The following KCNH8 variants were observed in gnomAD, a reference collection of about 807,000 sequenced individuals.
KCNH8 encodes the protein voltage-gated delayed rectifier potassium channel KCNH8.
In KCNH8, 70 loss-of-function variants were observed where a neutral mutation model predicts 103.6. The ratio of observed to expected loss-of-function variants is 0.68; its 90% CI spans 0.56 to 0.82. KCNH8 has a LOEUF of 0.82. Among genes scored for constraint, KCNH8 ranks in the 40% least tolerant of loss-of-function variants. KCNH8 has a pLI of 0.00. For missense variants in KCNH8, 1,217 were observed against 1,329.9 expected (o/e 0.92, Z 1.32); for synonymous variants, 498 against 489.4 (o/e 1.02, Z -0.23).
intron 1 of KCNH8, among the ~76,000 whole-genome samples, chr3:19,227,179 C>T (rs1171999883): frequency 6.6e-6 from 1 of 152,218 alleles, no homozygotes; most frequent in Admixed American, 6.5e-5. Flanking sequence ...GAAAACCAGA[C>T]AAGACATCTG....
chr3:19,470,315 C>G (rs2067828647), intron 11 of KCNH8, among the ~76,000 whole-genome samples: 1 of 152,202 alleles, frequency 6.6e-6, no homozygotes, highest in Non-Finnish European at 1.5e-5. Flanking sequence ...CTCTTACAGT[C>G]AGGCTCTCAA....
At chr3:19,396,255 C>T (rs1166289034) in intron 7 of KCNH8, among the ~76,000 whole-genome samples, 1 of 151,922 alleles carries the variant, frequency 6.6e-6, no homozygotes, top group Non-Finnish European at 1.5e-5. Context: ...AAGAAAAATG[C>T]CCAGACTTTT....
At position 19,451,171 on chromosome 3, in the gene KCNH8, C is replaced by G; in HGVS notation, c.1592C>G (p.Pro531Arg). The G allele has an allele frequency of 6.2e-7, 1 of 1,613,740 alleles. No individual in the cohort carries two copies. Among genetic ancestry groups the G allele is most frequent in the Non-Finnish European group, 8.5e-7 (1 of 1,179,724 alleles). The change falls in exon 10 of 16, where the codon CCA becomes CGA. Residue 531 changes from proline (P) to arginine (R), a missense_variant. This residue lies in a region of KCNH8 where 415 missense variants were observed against 577.4 expected (regional missense o/e 0.72). Transcript: ENST00000328405. ...CTCTGACAGCTTTTGAAAGACTTTC[C>G]AGATGAACTGCGTTCTGACATCACT... Reference protein sequence around the residue: ...IDSNELLKDFPDELRSDITMH... With the variant: ...IDSNELLKDFRDELRSDITMH...
At chr3:19,516,580 G>A (rs1391325757) in intron 14 of KCNH8, among the ~76,000 whole-genome samples, 2 of 151,918 alleles carry the variant, frequency 1.3e-5, no homozygotes, top group East Asian at 3.9e-4. Flanking sequence ...TTACCTTTTT[G>A]GTTCAACTAG....
At chr3:19,484,855 C>G (rs1354347533) in intron 11 of KCNH8, among the ~76,000 whole-genome samples, 2 of 151,996 alleles carry the variant, frequency 1.3e-5, no homozygotes, top group Non-Finnish European at 2.9e-5. Flanking sequence ...TCAATTTCAC[C>G]TAACTCTCGG....
At chr3:19,314,972 A>G (rs931236789) in intron 3 of KCNH8, 2 of 153,804 alleles carry the variant, frequency 1.3e-5, no homozygotes. Flanking sequence ...TTGTTGTGGT[A>G]TTGCTTTATA....
intron 1 of KCNH8, 98 bp from the exon 2 acceptor site, chr3:19,253,556 A>G: frequency 2.1e-6 from 2 of 947,118 alleles, no homozygotes; most frequent in Non-Finnish European, 3.3e-6. Flanking sequence ...GCCTTTTGGC[A>G]GCTAGCTAAA....
chr3:19,388,106 T>A (rs2066383958), intron 5 of KCNH8, among the ~76,000 whole-genome samples: 1 of 152,156 alleles, frequency 6.6e-6, no homozygotes, highest in Admixed American at 6.6e-5. Flanking sequence ...GGTAATGGGT[T>A]TTCCATGAAA....
chr3:19,361,431 A>G lies in KCNH8; in HGVS notation c.811+13466A>G, dbSNP rs141779636. ...CACACCAGTAATGTTCCCAATCATT[A>G]TAACTCAAAATACTCCATACATATT... On this transcript the variant is annotated intron_variant, in intron 5 of 15. Coordinates refer to ENST00000328405, the MANE Select transcript of KCNH8 (RefSeq NM_144633.3). Among the ~76,000 whole-genome samples, 1,236 of 152,216 alleles carry G rather than the reference A, an allele frequency of 8.1e-3. 14 individuals are homozygous for G. The highest frequency in any genetic ancestry group is 0.028 in the African/African-American group (1,151 of 41,554).
At chr3:19,288,293 T>C (rs1207359984) in intron 3 of KCNH8, among the ~76,000 whole-genome samples, 1 of 148,758 alleles carries the variant, frequency 6.7e-6, no homozygotes, top group Non-Finnish European at 1.5e-5. Flanking sequence ...GTTTGTTACA[T>C]ATGTATACAT....
At chr3:19,210,361 C>T (rs2125224564) in intron 1 of KCNH8, among the ~76,000 whole-genome samples, 1 of 152,018 alleles carries the variant, frequency 6.6e-6, no homozygotes, top group African/African-American at 2.4e-5. Context: ...TTGTATCCTT[C>T]CAATTGTATA....
chr3:19,506,164 G>T (rs534091921), intron 11 of KCNH8, among the ~76,000 whole-genome samples: 1 of 152,104 alleles, frequency 6.6e-6, no homozygotes, highest in Admixed American at 6.5e-5. Flanking sequence ...GCATTTCAGC[G>T]ATTTCAACCC....
chr3:19,496,746 A>G (rs2068449475), intron 11 of KCNH8, among the ~76,000 whole-genome samples: 1 of 152,020 alleles, frequency 6.6e-6, no homozygotes, highest in African/African-American at 2.4e-5. Context: ...CAAATTTTTG[A>G]AATAGTTTCA....
rs371688260 is a variant in KCNH8 at position 19,186,220 on chromosome 3, G to A, written c.76+37425G>A. Among the ~76,000 whole-genome samples the A allele has an allele frequency of 1.7e-4, 25 of 149,280 alleles. 2 individuals are homozygous for A. The highest frequency in any genetic ancestry group is 5.9e-4 in the East Asian group (3 of 5,100). ...ATTGTCTAGGAGACATTGCTGCATCGCACAATTCACAGGAGTGTATTCTCC... is the reference window on the plus strand; with the variant it reads ...ATTGTCTAGGAGACATTGCTGCATCACACAATTCACAGGAGTGTATTCTCC... On this transcript the variant is annotated intron_variant, in intron 1 of 15. Coordinates refer to ENST00000328405, the MANE Select transcript of KCNH8 (RefSeq NM_144633.3).
At chr3:19,405,643 T>C (rs185754695) in intron 7 of KCNH8, among the ~76,000 whole-genome samples, 98 of 152,052 alleles carry the variant, frequency 6.4e-4, no homozygotes, top group Admixed American at 6.4e-3. Context: ...CAGAACTTTA[T>C]ATTGTGGTTC....
At chr3:19,284,017 T>A (rs1459778739) in intron 3 of KCNH8, among the ~76,000 whole-genome samples, 1 of 151,270 alleles carries the variant, frequency 6.6e-6, no homozygotes, top group African/African-American at 2.4e-5. Flanking sequence ...CACCTTAAAA[T>A]TTACCAATTG....
intron 11 of KCNH8, among the ~76,000 whole-genome samples, chr3:19,486,283 G>A (rs942865541): frequency 6.6e-5 from 10 of 152,252 alleles, no homozygotes; most frequent in Non-Finnish European, 1.2e-4. Flanking sequence ...GATTTAGGTT[G>A]TTACAGACTT....
chr3:19,285,059 T>A (rs76570897), intron 3 of KCNH8, among the ~76,000 whole-genome samples: 4,318 of 151,834 alleles, frequency 0.028, 179 homozygotes, highest in East Asian at 0.085. Context: ...GGGCCTTTGG[T>A]TGGAGTGGTT....
chr3:19,355,485 A>C (rs1314016360), intron 5 of KCNH8, among the ~76,000 whole-genome samples: 1 of 152,224 alleles, frequency 6.6e-6, no homozygotes, highest in Non-Finnish European at 1.5e-5. Flanking sequence ...AACCAACCCA[A>C]ATGTCCATCA....
Sources: allele counts gnomAD v4.1 joint callset (sites outside exome capture counted in the v4.1 genomes callset), GRCh38; gene constraint gnomAD v4.1.1; regional missense constraint gnomAD v4.1.1; transcripts MANE v1.5; gene names NCBI Gene and HGNC (gene_info 2026-07-23, HGNC 2026-07-21).